Variants in ABHD17C observed in about 807,000 individuals in gnomAD.
The protein encoded by ABHD17C is abhydrolase domain containing 17C, depalmitoylase.
A neutral mutation model predicts 27.9 loss-of-function variants in ABHD17C; 11 were observed. The ratio of observed to expected loss-of-function variants is 0.39; its 90% CI spans 0.25 to 0.65. The LOEUF (loss-of-function observed/expected upper bound fraction) is 0.65. Among genes scored for constraint, ABHD17C ranks in the 30% least tolerant of loss-of-function variants. ABHD17C has a pLI of 0.45. For synonymous variants in ABHD17C, 233 were observed against 209.1 expected, an observed-to-expected ratio of 1.11 and a Z score of -0.98; for missense variants, 280 against 470.2, an observed-to-expected ratio of 0.60 and a Z score of 3.74.
At chr15:80,731,957 A>C (rs991357704) in intron 1 of ABHD17C, among the ~76,000 whole-genome samples, 1 of 152,194 alleles carries the variant, frequency 6.6e-6, no homozygotes, top group Non-Finnish European at 1.5e-5. Flanking sequence ...AGCCATCACC[A>C]CCATTCATCT....
intron 1 of ABHD17C, among the ~76,000 whole-genome samples, chr15:80,724,356 C>A (rs1894942052): frequency 6.6e-6 from 1 of 151,988 alleles, no homozygotes; most frequent in Non-Finnish European, 1.5e-5. Context: ...CAAAAAAAAC[C>A]CCTTATCATT....
At chr15:80,739,092 A>G (rs1030833583) in intron 1 of ABHD17C, among the ~76,000 whole-genome samples, 1 of 152,026 alleles carries the variant, frequency 6.6e-6, no homozygotes, top group African/African-American at 2.4e-5. Flanking sequence ...GGGTAGATCT[A>G]GCTAATGTGG....
chr15:80,697,380 A>G (rs906351462), intron 1 of ABHD17C, among the ~76,000 whole-genome samples: 2 of 152,240 alleles, frequency 1.3e-5, no homozygotes, highest in Non-Finnish European at 2.9e-5. Flanking sequence ...CACACAGTCT[A>G]TAGCTTGCTA....
rs765938056 is a variant in ABHD17C at position 80,754,398 on chromosome 15, A to G, written c.*28A>G. 2 of 1,578,848 alleles carry G rather than the reference A, an allele frequency of 1.3e-6. No individual in the cohort carries two copies. The highest frequency in any genetic ancestry group is 1.7e-6 in the Non-Finnish European group (2 of 1,155,802). ...ACAACAACTTGATCTTACCTCATTT[A>G]CTGTGAACAGAAGAGTCCTCTGTTT... On this transcript the variant is annotated 3_prime_UTR_variant, in exon 3 of 3. Coordinates refer to ENST00000258884, the MANE Select transcript of ABHD17C (RefSeq NM_021214.2).
intron 1 of ABHD17C, among the ~76,000 whole-genome samples, chr15:80,742,151 AGAG>A (rs1343922829): frequency 1.3e-5 from 2 of 152,352 alleles, no homozygotes; most frequent in Non-Finnish European, 2.9e-5. Context: ...TACATATATA[AGAG>A]GAGATTTTTT....
intron 1 of ABHD17C, among the ~76,000 whole-genome samples, chr15:80,709,558 A>G (rs1242490526): frequency 6.6e-6 from 1 of 151,892 alleles, no homozygotes; most frequent in Non-Finnish European, 1.5e-5. Flanking sequence ...TCCAGGATAT[A>G]GTTGCATACT....
intron 1 of ABHD17C, among the ~76,000 whole-genome samples, chr15:80,738,911 C>T (rs1001194881): frequency 6.6e-6 from 1 of 152,184 alleles, no homozygotes; most frequent in Non-Finnish European, 1.5e-5. Context: ...ATGTCAGCCA[C>T]TGTGCTAGAT....
intron 1 of ABHD17C, among the ~76,000 whole-genome samples, chr15:80,718,272 A>G (rs192332615): frequency 6.6e-6 from 1 of 151,840 alleles, no homozygotes; most frequent in Non-Finnish European, 1.5e-5. Flanking sequence ...CTGGCTTTGA[A>G]GACTTTAAAA....
Position 80,754,134 on chromosome 15 carries a change from C to G in ABHD17C, c.771-17C>G. Reference sequence around the variant, plus strand: ...TAATGGAGTCCTCTTTCTGCCTCCCCCCTTTCTGTTTTGCAGCATTGACAA... The same window carrying G: ...TAATGGAGTCCTCTTTCTGCCTCCCGCCTTTCTGTTTTGCAGCATTGACAA... On this transcript the variant is annotated splice_polypyrimidine_tract_variant and intron_variant, in intron 2 of 2. Transcript: ENST00000258884. 6.2e-7 allele frequency: 1 copy of G among 1,600,076 alleles called. No individual in the cohort carries two copies. The highest frequency in any genetic ancestry group is 8.6e-7 in the Non-Finnish European group (1 of 1,167,420).
chr15:80,712,005 T>C (rs1477682430), intron 1 of ABHD17C, among the ~76,000 whole-genome samples: 1 of 152,218 alleles, frequency 6.6e-6, no homozygotes, highest in African/African-American at 2.4e-5. Context: ...CGTCAGATGC[T>C]GGTGTCCATT....
chr15:80,740,668 A>C (rs1034280134), intron 1 of ABHD17C, among the ~76,000 whole-genome samples: 17 of 152,138 alleles, frequency 1.1e-4, no homozygotes, highest in Non-Finnish European at 2.4e-4. Context: ...CAGCATTCTC[A>C]TCATTAATAT....
At chr15:80,726,962 C>G (rs1894989171) in intron 1 of ABHD17C, among the ~76,000 whole-genome samples, 1 of 152,036 alleles carries the variant, frequency 6.6e-6, no homozygotes, top group African/African-American at 2.4e-5. Context: ...ATTGTCTGTT[C>G]CTTCTGTGTG....
chr15:80,730,261 C>T (rs549116116), intron 1 of ABHD17C, among the ~76,000 whole-genome samples: 1 of 152,318 alleles, frequency 6.6e-6, no homozygotes, highest in South Asian at 2.1e-4. Flanking sequence ...CATCTTAACC[C>T]CAGTATCTGG....
chr15:80,695,416 AC>A lies in ABHD17C; in HGVS notation c.-12del. ...CCAGCCAGCCGGGCCGGCGGCGGGC[AC>A]CAGGCCGTCCCGATGCCCGAGCCAG... On this transcript the variant is annotated 5_prime_UTR_variant, in exon 1 of 3. Coordinates refer to ENST00000258884, the MANE Select transcript of ABHD17C (RefSeq NM_021214.2). This position sits in a 1 kb window ranked among gnomAD's most constrained non-coding sequence, Gnocchi z 4.3. 1 of 1,264,356 alleles carries A rather than the reference AC, an allele frequency of 7.9e-7. No individual in the cohort carries two copies. The allele number at this position is 1,264,356 out of a possible 1,614,324, so 78.3% of individuals were successfully genotyped here. A position where few individuals can be genotyped will look rare whatever the true frequency, so the allele number is the denominator to read the frequency against.
Position 80,696,013 on chromosome 15 carries a change from G to T in ABHD17C, c.584G>T (p.Arg195Leu). The T allele has an allele frequency of 1.9e-6, 3 of 1,570,300 alleles. No homozygotes were observed. The highest frequency in any genetic ancestry group is 2.6e-6 in the Non-Finnish European group (3 of 1,165,892). Reference protein sequence around the residue: ...ADIDAAWQALRTRYGVSPENI... With the variant: ...ADIDAAWQALLTRYGVSPENI... The stretch of plus-strand genomic sequence containing the variant: ...ATCGACGCCGCGTGGCAGGCGCTGC[G>T]CACCCGGTGAGCCTGCCGGGGTCGC... Residue 195 changes from arginine to leucine, a missense_variant, in exon 1 of 3, where the codon CGC becomes CTC. Physicochemically the swap from Arg to Leu is moderately radical, Grantham distance 102 (BLOSUM62 -2). Transcript: ENST00000258884.
chr15:80,695,354 C>T lies in ABHD17C; in HGVS notation c.-76C>T, dbSNP rs1275924801. 9.9e-6 allele frequency: 10 copies of T among 1,008,572 alleles called. No individual in the cohort carries two copies. In the Admixed American group the frequency reaches 1.6e-4, roughly 16 times the overall value. 62.5% of individuals were successfully genotyped at this position (1,008,572 alleles called of 1,614,324 possible). Reference sequence around the variant, plus strand: ...CGCTCGCCTGCCAGCTCCCTCGCCGCGCGTCCGTCCTCCGTCCTCCCGGGC... The same window carrying T: ...CGCTCGCCTGCCAGCTCCCTCGCCGTGCGTCCGTCCTCCGTCCTCCCGGGC... On this transcript the variant is annotated 5_prime_UTR_variant, in exon 1 of 3. Transcript: ENST00000258884. This position sits in a 1 kb window ranked among gnomAD's most constrained non-coding sequence, Gnocchi z 4.3.
chr15:80,722,204 G>A (rs1391598231), intron 1 of ABHD17C, among the ~76,000 whole-genome samples: 7 of 151,374 alleles, frequency 4.6e-5, no homozygotes, highest in Non-Finnish European at 1.0e-4. Flanking sequence ...TATTCTCTCT[G>A]CTGTTGTAAG....
intron 1 of ABHD17C, among the ~76,000 whole-genome samples, chr15:80,744,037 T>C (rs1272958131): frequency 6.6e-6 from 1 of 152,262 alleles, no homozygotes; most frequent in Non-Finnish European, 1.5e-5. Context: ...GATCCTGTTA[T>C]GTTTTTTCTA....
At chr15:80,715,835 C>T (rs1189397148) in intron 1 of ABHD17C, among the ~76,000 whole-genome samples, 1 of 152,038 alleles carries the variant, frequency 6.6e-6, no homozygotes, top group Admixed American at 6.5e-5. Flanking sequence ...TCATTTTTGT[C>T]ATTCGCTTTG....
Sources: allele counts gnomAD v4.1 joint callset (sites outside exome capture counted in the v4.1 genomes callset), GRCh38; gene constraint gnomAD v4.1.1; non-coding constraint Gnocchi (gnomAD v3.1); transcripts MANE v1.5; gene names NCBI Gene and HGNC (gene_info 2026-07-23, HGNC 2026-07-21).